FAM184A: variants seen among roughly 807,000 people sequenced by gnomAD.
FAM184A encodes the protein family with sequence similarity 184 member A, also known as protein FAM184A.
A neutral mutation model predicts 143.8 loss-of-function variants in FAM184A; 99 were observed. The ratio of observed to expected loss-of-function variants is 0.69; its 90% CI spans 0.58 to 0.81. The LOEUF (loss-of-function observed/expected upper bound fraction) is 0.81. Ranked by LOEUF, FAM184A falls within the 40% of genes least tolerant of loss-of-function variation. The pLI is 0.00. For synonymous variants in FAM184A, 427 were observed against 446.4 expected (o/e 0.96, Z 0.55); for missense variants, 1,217 against 1,310.5 (o/e 0.93, Z 1.10).
chr6:118,964,568 T>G lies in FAM184A; in HGVS notation c.3138+99A>C, dbSNP rs192996049. Reference sequence around the variant, plus strand: ...ATTATTAAATAGAAGAAAACATTTTTTGGGAGCTTTATCTAACTATGCTGC... The same window carrying G: ...ATTATTAAATAGAAGAAAACATTTTGTGGGAGCTTTATCTAACTATGCTGC... On this transcript the variant is annotated intron_variant, in intron 16 of 17. Coordinates refer to ENST00000338891, the MANE Select transcript of FAM184A (RefSeq NM_024581.6). The G allele has an allele frequency of 5.6e-3, 2,950 of 528,892 alleles. 27 individuals carry two copies. Among genetic ancestry groups the G allele is most frequent in the Non-Finnish European group, 4.9e-3 (1,477 of 298,960 alleles). 32.8% of individuals were successfully genotyped at this position (528,892 alleles called of 1,614,324 possible).
chr6:118,997,358 T>C (rs1784603076), intron 9 of FAM184A, among the ~76,000 whole-genome samples: 1 of 144,124 alleles, frequency 6.9e-6, no homozygotes, highest in Non-Finnish European at 1.5e-5. Flanking sequence ...AGAGACAGAA[T>C]ACATTTCTTG....
At chr6:119,023,918 G>C in intron 2 of FAM184A, 41 bp downstream of exon 2, 2 of 1,486,286 alleles carry the variant, frequency 1.3e-6, no homozygotes, top group Non-Finnish European at 1.8e-6. Context: ...ATTTTTAAAA[G>C]AAAAAAAATC....
intron 1 of FAM184A, among the ~76,000 whole-genome samples, chr6:119,100,838 A>G (rs1788619550): frequency 6.6e-6 from 1 of 151,848 alleles, no homozygotes; most frequent in Non-Finnish European, 1.5e-5. Context: ...GGGCGCCTAT[A>G]GTCCCAGCTA....
In FAM184A at chr6:119,051,033, C is replaced by A. The variant is rs576626069; in HGVS notation, c.160-26220G>T. On this transcript the variant is annotated intron_variant, in intron 1 of 17. Coordinates refer to ENST00000338891, the MANE Select transcript of FAM184A (RefSeq NM_024581.6). The stretch of plus-strand genomic sequence containing the variant: ...GGAGGGAAAGGAGCAGAAAAAATAA[C>A]TGTTGGGTACTAGGCTTAACACCTG... Among the ~76,000 whole-genome samples the A allele has an allele frequency of 4.6e-5, 7 of 152,270 alleles. No individual in the cohort carries two copies. The South Asian group carries it at 8.3e-4, about 18-fold the overall frequency.
intron 1 of FAM184A, among the ~76,000 whole-genome samples, chr6:119,085,802 A>G (rs1383660784): frequency 6.6e-6 from 1 of 152,238 alleles, no homozygotes; most frequent in East Asian, 1.9e-4. Flanking sequence ...GGGAGGCCTC[A>G]GGAAACTTGC....
At chr6:119,104,151 G>A (rs1582619309) in intron 1 of FAM184A, among the ~76,000 whole-genome samples, 1 of 151,874 alleles carries the variant, frequency 6.6e-6, no homozygotes, top group South Asian at 2.1e-4. Flanking sequence ...ATCCTCCCAA[G>A]TATCTGGGAC....
chr6:119,050,123 T>C (rs1374797801), intron 1 of FAM184A, among the ~76,000 whole-genome samples: 1 of 152,078 alleles, frequency 6.6e-6, no homozygotes, highest in Non-Finnish European at 1.5e-5. Context: ...AAAACCACAA[T>C]GAGATACCAT....
chr6:118,979,184 C>T (rs1379384725), intron 11 of FAM184A, among the ~76,000 whole-genome samples, 181 bp downstream of exon 11: 1 of 152,148 alleles, frequency 6.6e-6, no homozygotes, highest in African/African-American at 2.4e-5. Context: ...GAGGGGAATT[C>T]ACTTTACTGT....
chr6:119,056,744 A>G (rs912712521), intron 1 of FAM184A, among the ~76,000 whole-genome samples: 9 of 152,184 alleles, frequency 5.9e-5, no homozygotes, highest in Non-Finnish European at 2.9e-5. Context: ...CATCACAAAC[A>G]TTCTGTAATG....
chr6:119,032,822 G>C (rs1396115636), intron 1 of FAM184A, among the ~76,000 whole-genome samples: 1 of 152,198 alleles, frequency 6.6e-6, no homozygotes, highest in East Asian at 1.9e-4. Flanking sequence ...TTTAAACAAA[G>C]AGAATGTTTG....
chr6:119,034,517 A>T (rs1470448219), intron 1 of FAM184A, among the ~76,000 whole-genome samples: 1 of 151,574 alleles, frequency 6.6e-6, no homozygotes, highest in Non-Finnish European at 1.5e-5. Context: ...CCAGTCAAGG[A>T]TCCCACATTG....
intron 1 of FAM184A, among the ~76,000 whole-genome samples, chr6:119,105,708 T>C (rs2114840810): frequency 6.6e-6 from 1 of 152,352 alleles, no homozygotes; most frequent in South Asian, 2.1e-4. Context: ...TGCAAACAGG[T>C]ACCTTCAGTT....
chr6:119,079,295 A>ACCGCATAGCTACTTTCCCGCGGTGGAGCC (rs1787993504), upstream of FAM184A: 4 of 152,232 alleles, frequency 2.6e-5, no homozygotes, highest in Admixed American at 2.6e-4. Context: ...CTGGTGGAGC[A>ACCGCATAGCTACTTTCCCGCGGTGGAGCC]CCGCATAGCT....
rs905077126 is a variant in FAM184A, at chr6:118,959,807, G to A, written c.*296C>T. The A allele has an allele frequency of 1.1e-4, 12 of 107,200 alleles. No individual in the cohort carries two copies. Among genetic ancestry groups the A allele is most frequent in the South Asian group, 8.3e-4 (2 of 2,414 alleles). The allele number at this position is 107,200 out of a possible 1,614,324, so 6.6% of individuals were successfully genotyped here. On this transcript the variant is annotated 3_prime_UTR_variant, in exon 18 of 18. Transcript: ENST00000338891. The stretch of plus-strand genomic sequence containing the variant: ...AAAATATTTAAAAATTAAAGCAAAC[G>A]TAGAAAAAAATAAAAAGCATTGTTT...
chr6:118,988,999 TTA>T (rs1413345698), intron 9 of FAM184A, among the ~76,000 whole-genome samples: 1 of 148,750 alleles, frequency 6.7e-6, no homozygotes, highest in Non-Finnish European at 1.5e-5. Flanking sequence ...ACTCACTCTG[TTA>T]CCCAGGCTAG....
intron 1 of FAM184A, among the ~76,000 whole-genome samples, chr6:119,057,324 T>C (rs1367977550): frequency 6.6e-6 from 1 of 152,234 alleles, no homozygotes; most frequent in Admixed American, 6.5e-5. Flanking sequence ...ATTCTAAATT[T>C]CTGCTATGCT....
chr6:119,062,595 G>A (rs1787302180), intron 1 of FAM184A, among the ~76,000 whole-genome samples: 1 of 152,154 alleles, frequency 6.6e-6, no homozygotes, highest in South Asian at 2.1e-4. Context: ...GAAAGGTTGA[G>A]GCTGCAGTGA....
At chr6:119,006,015 T>C (rs751664976) in intron 7 of FAM184A, 1 of 706,772 alleles carries the variant, frequency 1.4e-6, no homozygotes, top group African/African-American at 1.7e-5. Flanking sequence ...TGTGACTTTA[T>C]TTGGAAATAC....
intron 1 of FAM184A, among the ~76,000 whole-genome samples, chr6:119,041,924 C>T (rs1398150751): frequency 6.6e-6 from 1 of 152,168 alleles, no homozygotes; most frequent in Non-Finnish European, 1.5e-5. Context: ...CCCAAGATTC[C>T]ATTCCTTGGA....
Sources: gnomAD v4.1 joint callset for allele counts (sites outside exome capture counted in the v4.1 genomes callset) on GRCh38, gnomAD v4.1.1 for gene constraint, MANE v1.5 for transcripts, NCBI Gene and HGNC (gene_info 2026-07-23, HGNC 2026-07-21) for gene names.